Variants in FAF1 observed in about 807,000 individuals in gnomAD.
The protein encoded by FAF1 is FAS-associated factor 1.
A neutral mutation model predicts 92.5 loss-of-function variants in FAF1; 25 were observed. That is an observed-to-expected ratio of 0.27 (90% CI 0.20 to 0.38). The LOEUF is 0.38. Among genes scored for constraint, FAF1 ranks in the 10% least tolerant of loss-of-function variants. FAF1 has a pLI of 1.00. For synonymous variants in FAF1, 234 were observed against 273.2 expected (o/e 0.86, Z 1.42); for missense variants, 636 against 793.3 (o/e 0.80, Z 2.38).
intron 3 of FAF1, among the ~76,000 whole-genome samples, chr1:50,791,637 C>G (rs959826971): frequency 6.6e-6 from 1 of 152,192 alleles, no homozygotes; most frequent in Non-Finnish European, 1.5e-5. Flanking sequence ...AGCAGCTGGA[C>G]AGTGTACATT....
chr1:50,576,168 T>C (rs1349478314), intron 12 of FAF1, among the ~76,000 whole-genome samples: 1 of 152,230 alleles, frequency 6.6e-6, no homozygotes, highest in Non-Finnish European at 1.5e-5. Flanking sequence ...ATCTGTCTTA[T>C]CCACAGTGCT....
At chr1:50,603,126 T>C (rs1341996376) in intron 8 of FAF1, among the ~76,000 whole-genome samples, 2 of 152,214 alleles carry the variant, frequency 1.3e-5, no homozygotes, top group Non-Finnish European at 2.9e-5. Flanking sequence ...CGAACAACTA[T>C]TAAGGCTCTA....
chr1:50,654,453 C>T (rs1233530424), intron 8 of FAF1, among the ~76,000 whole-genome samples: 8 of 152,030 alleles, frequency 5.3e-5, no homozygotes, highest in Non-Finnish European at 1.2e-4. Flanking sequence ...AGATGGCCTC[C>T]TTATATAATG....
chr1:50,710,098 G>A (rs1003531251), intron 6 of FAF1, among the ~76,000 whole-genome samples: 4 of 152,332 alleles, frequency 2.6e-5, no homozygotes, highest in African/African-American at 7.2e-5. Flanking sequence ...GCTAGGCTGA[G>A]GAGCTCGGAG....
At chr1:50,621,842 C>G (rs966252450) in intron 8 of FAF1, among the ~76,000 whole-genome samples, 1 of 152,094 alleles carries the variant, frequency 6.6e-6, no homozygotes, top group Non-Finnish European at 1.5e-5. Context: ...CCATGCCGAC[C>G]ACACTCCTGT....
intron 2 of FAF1, among the ~76,000 whole-genome samples, chr1:50,819,988 C>A (rs138423297): frequency 6.6e-6 from 1 of 150,900 alleles, no homozygotes; most frequent in East Asian, 1.9e-4. Context: ...GCATGTGTTG[C>A]CCCATTAGCT....
rs74080026 is a variant in FAF1, at chr1:50,611,958, C to T, written c.745-15742G>A. ...TGAAAAGCAAAGGGCAAAATAATGA[C>T]GCTGAGCAGGAAATTCAACAGAAGA... On this transcript the variant is annotated intron_variant, in intron 8 of 18. Transcript: ENST00000396153. Among the ~76,000 whole-genome samples, 1,198 of 152,164 alleles carry T rather than the reference C, an allele frequency of 7.9e-3. 13 individuals are homozygous for T. The highest frequency in any genetic ancestry group is 0.027 in the African/African-American group (1,132 of 41,486).
chr1:50,740,024 C>T (rs184193875), intron 5 of FAF1, among the ~76,000 whole-genome samples: 1,839 of 114,948 alleles, frequency 0.016, 34 homozygotes, highest in African/African-American at 0.08. Flanking sequence ...AGGAAATGCA[C>T]TTATCAACAG....
intron 8 of FAF1, among the ~76,000 whole-genome samples, chr1:50,643,807 G>T (rs1654456151): frequency 6.6e-6 from 1 of 152,106 alleles, no homozygotes; most frequent in Non-Finnish European, 1.5e-5. Context: ...TGGCCAGGCT[G>T]GTCTCAAACT....
Position 50,890,722 on chromosome 1 carries a change from G to A in FAF1, c.46-32725C>T, listed in dbSNP as rs985585884. On this transcript the variant is annotated intron_variant, in intron 1 of 18. Coordinates refer to ENST00000396153, the MANE Select transcript of FAF1 (RefSeq NM_007051.3). ...TCTTCTGGCTTGTAGAGTTTCTGTC[G>A]AGAGATCCCCTGTTAGTCTGATGGG... Among the ~76,000 whole-genome samples the A allele has an allele frequency of 9.2e-5, 14 of 152,228 alleles. 1 individual carries two copies. The highest frequency in any genetic ancestry group is 4.1e-4 in the South Asian group (2 of 4,830).
intron 7 of FAF1, among the ~76,000 whole-genome samples, chr1:50,691,588 A>G (rs1447542350): frequency 6.7e-6 from 1 of 150,036 alleles, no homozygotes; most frequent in Non-Finnish European, 1.5e-5. Context: ...GGGGTAGTTC[A>G]TTTTGCTTTT....
chr1:50,834,252 G>A (rs1170460087), intron 2 of FAF1, among the ~76,000 whole-genome samples: 3 of 152,226 alleles, frequency 2.0e-5, no homozygotes, highest in African/African-American at 7.2e-5. Flanking sequence ...TTTCCTGTAC[G>A]GCCTGCAGAA....
At chr1:50,815,634 A>G (rs1643962591) in intron 2 of FAF1, among the ~76,000 whole-genome samples, 1 of 152,242 alleles carries the variant, frequency 6.6e-6, no homozygotes, top group Non-Finnish European at 1.5e-5. Context: ...ACTGCGTTCC[A>G]CAGTGGATAA....
chr1:50,759,059 G>T (rs1660207219), intron 4 of FAF1, among the ~76,000 whole-genome samples: 2 of 151,916 alleles, frequency 1.3e-5, no homozygotes, highest in African/African-American at 2.4e-5. Context: ...AGCCAGGATG[G>T]TCTCAATCTC....
chr1:50,762,495 T>A (rs1230502951), intron 4 of FAF1, among the ~76,000 whole-genome samples: 1 of 151,630 alleles, frequency 6.6e-6, no homozygotes, highest in African/African-American at 2.4e-5. Flanking sequence ...AACAGAGATA[T>A]AGATCAATGG....
chr1:50,735,878 G>A (rs1419030381), intron 6 of FAF1, among the ~76,000 whole-genome samples: 1 of 151,898 alleles, frequency 6.6e-6, no homozygotes, highest in Non-Finnish European at 1.5e-5. Flanking sequence ...CACAACACCC[G>A]GCTATTTCAT....
chr1:50,567,180 C>T lies in FAF1; in HGVS notation c.1165G>A (p.Val389Met), dbSNP rs777037091. ...LHHDESVLTN[V>M]FCSQMLCAES... ...GCACAAAGCATTTGTGAGCAGAACACGTTGGTTAACACACTTTCATCATGG... is the reference window on the plus strand; with the variant it reads ...GCACAAAGCATTTGTGAGCAGAACATGTTGGTTAACACACTTTCATCATGG... The change falls in exon 13 of 19, where the codon GTG becomes ATG. Residue 389 changes from valine to methionine, a missense_variant. Val to Met is a conservative substitution (Grantham distance 21). This residue lies in a region of FAF1 where 319 missense variants were observed against 451.0 expected (regional missense o/e 0.71). Coordinates refer to ENST00000396153, the MANE Select transcript of FAF1 (RefSeq NM_007051.3). 1.4e-5 allele frequency: 23 copies of T among 1,610,008 alleles called. No individual in the cohort carries two copies. The highest frequency in any genetic ancestry group is 2.2e-5 in the East Asian group (1 of 44,810).
intron 8 of FAF1, among the ~76,000 whole-genome samples, chr1:50,619,545 T>C (rs1420627925): frequency 6.6e-6 from 1 of 152,218 alleles, no homozygotes; most frequent in African/African-American, 2.4e-5. Context: ...TTAAGGATGC[T>C]GAATATAGGC....
intron 13 of FAF1, among the ~76,000 whole-genome samples, chr1:50,552,493 A>G (rs560469607): frequency 9.8e-5 from 15 of 152,302 alleles, no homozygotes; most frequent in African/African-American, 3.4e-4. Flanking sequence ...AATAGGAAAC[A>G]AAAGTGGAAA....
Sources: allele counts gnomAD v4.1 joint callset (sites outside exome capture counted in the v4.1 genomes callset), GRCh38; gene constraint gnomAD v4.1.1; regional missense constraint gnomAD v4.1.1; transcripts MANE v1.5; gene names NCBI Gene and HGNC (gene_info 2026-07-23, HGNC 2026-07-21).